The following TMCO4 variants were observed in gnomAD, a reference collection of about 807,000 sequenced individuals.
The protein encoded by TMCO4 is transmembrane and coiled-coil domain-containing protein 4.
Under a neutral mutation model 64.7 loss-of-function variants are expected in TMCO4, and 58 were observed. The observed-to-expected ratio is 0.90, with a 90% CI of 0.73 to 1.12. TMCO4 has a LOEUF of 1.12. Among genes scored for constraint, TMCO4 ranks in the 50% most tolerant of loss-of-function variants. The pLI is 0.00. For missense variants in TMCO4, 780 were observed against 825.9 expected, an observed-to-expected ratio of 0.94 and a Z score of 0.68; for synonymous variants, 325 against 346.1, an observed-to-expected ratio of 0.94 and a Z score of 0.68.
chr1:19,755,751 C>T lies in TMCO4; in HGVS notation c.398G>A (p.Arg133Gln), dbSNP rs1439714967. 1.2e-6 allele frequency: 2 copies of T among 1,614,052 alleles called. No individual in the cohort carries two copies. The change falls in exon 7 of 16, where the codon CGG (arginine) becomes CAG (glutamine). Residue 133 changes from arginine (R) to glutamine (Q), a missense_variant. By Grantham distance (43) the Arg-to-Gln change is conservative. Transcript: ENST00000294543. ...CATGTGGCAAACGAGGACTCTGGCCCGGGCGTCATAGTGCCCTCGAAAGAC... is the reference window on the plus strand; with the variant it reads ...CATGTGGCAAACGAGGACTCTGGCCTGGGCGTCATAGTGCCCTCGAAAGAC... ...FSLKDGHYDA[R>Q]ARVLVCHMTS...
intron 9 of TMCO4, 88 bp downstream of exon 9, chr1:19,746,368 G>A (rs2041781260): frequency 1.3e-6 from 2 of 1,556,650 alleles, no homozygotes; most frequent in Non-Finnish European, 1.7e-6. Context: ...GGGAGTCACT[G>A]CTGGTGAGGA....
At chr1:19,750,988 G>A (rs1055427914) in intron 7 of TMCO4, among the ~76,000 whole-genome samples, 4 of 152,196 alleles carry the variant, frequency 2.6e-5, no homozygotes, top group Non-Finnish European at 1.5e-5. Context: ...AGCTTCCTGG[G>A]GCAGAATCTC....
chr1:19,749,042 C>A (rs2041915914), intron 7 of TMCO4, among the ~76,000 whole-genome samples: 1 of 152,180 alleles, frequency 6.6e-6, no homozygotes, highest in African/African-American at 2.4e-5. Flanking sequence ...AATCTCTGTG[C>A]ATATCATGAT....
At chr1:19,750,488 T>C (rs41264103) in intron 7 of TMCO4, 3,116 of 152,264 alleles carry the variant, frequency 0.02, 62 homozygotes, top group East Asian at 0.056. Flanking sequence ...AAATGACCCA[T>C]GGACAGATGA....
Position 19,732,039 on chromosome 1 carries a change from G to A in TMCO4, c.1264+5333C>T, listed in dbSNP as rs1301367933. ...GTGAAGGCCGGCATGGACAGCGGGG[G>A]TTTTAAACTGAGCGGGGCCTGTGCA... On this transcript the variant is annotated intron_variant, in intron 13 of 15. Coordinates refer to ENST00000294543, the MANE Select transcript of TMCO4 (RefSeq NM_181719.7). This position sits in a 1 kb window ranked among gnomAD's most constrained non-coding sequence, Gnocchi z 4.8. 6.6e-6 allele frequency among the ~76,000 whole-genome samples: 1 copy of A among 152,224 alleles called. No homozygotes were observed. Among genetic ancestry groups the A allele is most frequent in the Non-Finnish European group, 1.5e-5 (1 of 68,038 alleles).
intron 10 of TMCO4, 42 bp from the exon 11 acceptor site, chr1:19,740,983 C>G (rs1343852611): frequency 1.9e-6 from 3 of 1,548,608 alleles, no homozygotes; most frequent in Non-Finnish European, 2.6e-6. Context: ...TTGTCTATGG[C>G]AGAGGATGCC....
intron 15 of TMCO4, among the ~76,000 whole-genome samples, chr1:19,683,963 T>C (rs529395198): frequency 1.3e-5 from 2 of 151,164 alleles, no homozygotes; most frequent in East Asian, 3.9e-4. Flanking sequence ...GGTTTCACCA[T>C]ATTGGCCAGG....
chr1:19,773,317 G>T (rs1049363015), intron 4 of TMCO4, among the ~76,000 whole-genome samples: 1 of 152,228 alleles, frequency 6.6e-6, no homozygotes, highest in Non-Finnish European at 1.5e-5. Context: ...GGGGAGGGAA[G>T]GGAGGAAGCA....
intron 4 of TMCO4, among the ~76,000 whole-genome samples, chr1:19,774,619 G>A (rs895441150): frequency 1.3e-5 from 2 of 152,082 alleles, no homozygotes; most frequent in African/African-American, 2.4e-5. Context: ...ATTTTAGATC[G>A]GCAGGGCCTT....
chr1:19,718,665 A>AAG (rs1211080081), intron 13 of TMCO4, among the ~76,000 whole-genome samples: 57 of 146,252 alleles, frequency 3.9e-4, no homozygotes, highest in African/African-American at 9.6e-4. Context: ...AAAAAAAAAA[A>AAG]AGAGAGAGAG....
intron 14 of TMCO4, among the ~76,000 whole-genome samples, chr1:19,697,096 G>A (rs2095241835): frequency 6.6e-6 from 1 of 152,312 alleles, no homozygotes; most frequent in African/African-American, 2.4e-5. Context: ...AGGGAGCCGC[G>A]GGCATGACTA....
chr1:19,774,996 G>A (rs2043146257), intron 4 of TMCO4, among the ~76,000 whole-genome samples: 1 of 152,174 alleles, frequency 6.6e-6, no homozygotes. Flanking sequence ...CTGAGCAAGG[G>A]CATCAAACAT....
At chr1:19,753,550 T>G (rs965007638) in intron 7 of TMCO4, among the ~76,000 whole-genome samples, 4 of 152,172 alleles carry the variant, frequency 2.6e-5, no homozygotes, top group Non-Finnish European at 4.4e-5. Context: ...AAGAGTCACC[T>G]TGGTCGGCCC....
At chr1:19,773,352 G>A (rs2043069020) in intron 4 of TMCO4, among the ~76,000 whole-genome samples, 1 of 152,210 alleles carries the variant, frequency 6.6e-6, no homozygotes, top group South Asian at 2.1e-4. Flanking sequence ...AGGCAGCTGA[G>A]CTATGATACA....
At chr1:19,722,029 T>C (rs1479051911) in intron 13 of TMCO4, among the ~76,000 whole-genome samples, 1 of 152,192 alleles carries the variant, frequency 6.6e-6, no homozygotes, top group Admixed American at 6.5e-5. Context: ...ACTGACTCCA[T>C]GATTAAATTG....
chr1:19,777,889 T>C (rs1241247724), intron 4 of TMCO4, among the ~76,000 whole-genome samples: 1 of 152,144 alleles, frequency 6.6e-6, no homozygotes. Context: ...AATAAAAAGT[T>C]AGCCAGGCAT....
intron 13 of TMCO4, among the ~76,000 whole-genome samples, chr1:19,729,140 A>C (rs2095419899): frequency 6.6e-6 from 1 of 152,042 alleles, no homozygotes; most frequent in Non-Finnish European, 1.5e-5. Flanking sequence ...CAGGGTGACT[A>C]CAGTCAATAA....
chr1:19,700,049 G>A (rs767404585), intron 14 of TMCO4, among the ~76,000 whole-genome samples: 5 of 152,162 alleles, frequency 3.3e-5, no homozygotes, highest in Admixed American at 6.5e-5. Context: ...TCATCCAGAG[G>A]CTGGATGGAT....
chr1:19,755,324 T>C (rs551319083), intron 7 of TMCO4, among the ~76,000 whole-genome samples: 6 of 152,222 alleles, frequency 3.9e-5, no homozygotes, highest in African/African-American at 9.6e-5. Context: ...TGGGGTTTTA[T>C]CATGTTGGTC....
Sources: gnomAD v4.1 joint callset for allele counts (sites outside exome capture counted in the v4.1 genomes callset) on GRCh38, gnomAD v4.1.1 for gene constraint, Gnocchi (gnomAD v3.1) non-coding constraint, MANE v1.5 for transcripts, NCBI Gene and HGNC (gene_info 2026-07-23, HGNC 2026-07-21) for gene names.